ZNF257: variants seen among roughly 807,000 people sequenced by gnomAD.
ZNF257 encodes zinc finger protein 257.
A neutral mutation model predicts 11.9 loss-of-function variants in ZNF257; 12 were observed. The observed-to-expected ratio is 1.01, with a 90% CI of 0.65 to 1.63. ZNF257 has a LOEUF of 1.63. Ranked by LOEUF, ZNF257 falls within the 40% of genes most tolerant of loss-of-function variation. The probability of loss-of-function intolerance (pLI) is 0.00; values close to 1 mark genes in which losing one functional copy is unlikely to be tolerated. For synonymous variants in ZNF257, 183 were observed against 222.7 expected (o/e 0.82, Z 1.59); for missense variants, 580 against 665.5 (o/e 0.87, Z 1.41).
chr19:22,088,678 C>T lies in ZNF257; in HGVS notation c.928C>T (p.His310Tyr), dbSNP rs760273559. The stretch of plus-strand genomic sequence containing the variant: ...TACCCTTACTCAACATAAGAGAATT[C>T]ATACTGGAGAGAAACCCTACAAATG... ...LTTLTQHKRI[H>Y]TGEKPYKCEE... is the part of the protein sequence containing the mutation. Residue 310 changes from histidine to tyrosine, a missense_variant, in exon 4 of 4, where the codon CAT becomes TAT. Transcript: ENST00000594947. 37 of 1,613,332 alleles carry T rather than the reference C, an allele frequency of 2.3e-5. 1 individual carries two copies. In the South Asian group the frequency reaches 3.6e-4, roughly 16 times the overall value.
At chr19:22,061,649 T>C (rs886542923) in intron 1 of ZNF257, among the ~76,000 whole-genome samples, 1 of 151,964 alleles carries the variant, frequency 6.6e-6, no homozygotes, top group East Asian at 1.9e-4. Context: ...CTGATTGCTG[T>C]GGCTAGGACT....
intron 3 of ZNF257, among the ~76,000 whole-genome samples, chr19:22,085,211 C>A (rs1366790088): frequency 1.3e-5 from 2 of 151,614 alleles, no homozygotes; most frequent in Admixed American, 1.3e-4. Context: ...CACCACCACA[C>A]CTGGCTAATT....
chr19:22,064,868 A>C (rs1306551354), intron 1 of ZNF257, among the ~76,000 whole-genome samples: 1 of 152,112 alleles, frequency 6.6e-6, no homozygotes, highest in Non-Finnish European at 1.5e-5. Flanking sequence ...AGCCTGGCCA[A>C]CATGGCGAAA....
At chr19:22,062,517 T>G (rs1287222546) in intron 1 of ZNF257, among the ~76,000 whole-genome samples, 1 of 150,894 alleles carries the variant, frequency 6.6e-6, no homozygotes, top group African/African-American at 2.4e-5. Flanking sequence ...AGTTTCCTCC[T>G]TGTTGCCCAG....
intron 3 of ZNF257, among the ~76,000 whole-genome samples, chr19:22,081,157 A>T (rs942157995): frequency 5.3e-5 from 8 of 151,920 alleles, no homozygotes; most frequent in African/African-American, 1.9e-4. Flanking sequence ...GATTAAAGGC[A>T]TGAGCCACCA....
intron 3 of ZNF257, among the ~76,000 whole-genome samples, chr19:22,086,198 T>A (rs1276656317): frequency 6.6e-6 from 1 of 152,102 alleles, no homozygotes; most frequent in Non-Finnish European, 1.5e-5. Context: ...TCTTATTTTC[T>A]TTTGGGTGTC....
chr19:22,055,212 T>A (rs974915193), intron 1 of ZNF257, among the ~76,000 whole-genome samples: 2 of 152,032 alleles, frequency 1.3e-5, no homozygotes, highest in Admixed American at 6.6e-5. Context: ...AAATAGTATT[T>A]TTTGGTTTCT....
Position 22,090,625 on chromosome 19 carries a change from C to T in ZNF257, c.*1183C>T, listed in dbSNP as rs1568493514. 6.6e-6 allele frequency: 1 copy of T among 151,936 alleles called. No individual in the cohort carries two copies. Among genetic ancestry groups the T allele is most frequent in the African/African-American group, 2.4e-5 (1 of 41,360 alleles). The allele number at this position is 151,936 out of a possible 1,614,324, so 9.4% of individuals were successfully genotyped here. On this transcript the variant is annotated 3_prime_UTR_variant, in exon 4 of 4. Coordinates refer to ENST00000594947, the MANE Select transcript of ZNF257 (RefSeq NM_033468.4). ...ATCAGATTGCTGAGTATAGAAAATC[C>T]AAAACTACAGTTGGTAAGTAAATTA... is the stretch of plus-strand genomic sequence containing the variant.
chr19:22,052,676 G>C (rs3752168), intron 1 of ZNF257, 41 bp downstream of exon 1: 233,344 of 1,601,686 alleles, frequency 0.15, 18,414 homozygotes, highest in Admixed American at 0.26. Context: ...AGGGGAAGGG[G>C]GTGGTTGGAA....
intron 1 of ZNF257, among the ~76,000 whole-genome samples, chr19:22,072,208 T>A (rs2022119858): frequency 1.3e-5 from 2 of 152,170 alleles, no homozygotes; most frequent in Non-Finnish European, 2.9e-5. Flanking sequence ...GGTCTACAAA[T>A]TTTTTTACTA....
At chr19:22,069,613 ACT>A (rs1228837564) in intron 1 of ZNF257, among the ~76,000 whole-genome samples, 1 of 131,464 alleles carries the variant, frequency 7.6e-6, no homozygotes, top group Non-Finnish European at 1.6e-5. Flanking sequence ...TCAGGGCAAG[ACT>A]CTGTCTTAAA....
chr19:22,091,006 C>T lies in ZNF257; in HGVS notation c.*1564C>T, dbSNP rs1433942769. 1 of 152,064 alleles carries T rather than the reference C, an allele frequency of 6.6e-6. No individual in the cohort carries two copies. The highest frequency in any genetic ancestry group is 1.9e-4 in the East Asian group (1 of 5,194). 9.4% of individuals were successfully genotyped at this position (152,064 alleles called of 1,614,324 possible). On this transcript the variant is annotated 3_prime_UTR_variant, in exon 4 of 4. Coordinates refer to ENST00000594947, the MANE Select transcript of ZNF257 (RefSeq NM_033468.4). ...AGTTGCTCATGTTATGAGAGAAAAA[C>T]ATTTTTAATTTTAGTTAAATGTAAG...
At chr19:22,083,770 G>T (rs1275242150) in intron 3 of ZNF257, among the ~76,000 whole-genome samples, 1 of 152,028 alleles carries the variant, frequency 6.6e-6, no homozygotes, top group Non-Finnish European at 1.5e-5. Flanking sequence ...TCTGTTTGTG[G>T]CTGGCTTATG....
At chr19:22,062,544 G>A (rs556312038) in intron 1 of ZNF257, among the ~76,000 whole-genome samples, 237 of 149,890 alleles carry the variant, frequency 1.6e-3, no homozygotes, top group African/African-American at 5.5e-3. Context: ...GTACAATGGT[G>A]CAATCTCGGC....
At chr19:22,073,428 G>C in intron 2 of ZNF257, 41 bp from the exon 3 acceptor site, 1 of 1,573,188 alleles carries the variant, frequency 6.4e-7, no homozygotes, top group Non-Finnish European at 8.6e-7. Context: ...GGTAATTGGA[G>C]AATATGAGCA....
chr19:22,079,046 C>A (rs2022299490), intron 3 of ZNF257, among the ~76,000 whole-genome samples: 1 of 152,156 alleles, frequency 6.6e-6, no homozygotes, highest in Non-Finnish European at 1.5e-5. Context: ...CCTGCCTTGG[C>A]CTCCCAAAAT....
intron 1 of ZNF257, among the ~76,000 whole-genome samples, chr19:22,069,268 T>G (rs896126364): frequency 5.3e-5 from 8 of 152,152 alleles, no homozygotes; most frequent in African/African-American, 1.9e-4. Context: ...ATAAATAGAT[T>G]TGTGCAAAGA....
At position 22,087,498 on chromosome 19, in the gene ZNF257, A is replaced by G; in HGVS notation, c.227-479A>G. 2 of 1,139,302 alleles carry G rather than the reference A, an allele frequency of 1.8e-6. 1 individual carries two copies. Among genetic ancestry groups the G allele is most frequent in the Non-Finnish European group, 2.2e-6 (2 of 904,042 alleles). The allele number at this position is 1,139,302 out of a possible 1,614,324, so 70.6% of individuals were successfully genotyped here. A position where few individuals can be genotyped will look rare whatever the true frequency, so the allele number is the denominator to read the frequency against. ...TTACCTTTGGTCTCAGCAGTCTCAA[A>G]TTGTCATTCTAAAGTATACTATTTT... On this transcript the variant is annotated intron_variant, in intron 3 of 3. Transcript: ENST00000594947.
chr19:22,052,778 T>TC, intron 1 of ZNF257, 143 bp downstream of exon 1: 1 of 941,188 alleles, frequency 1.1e-6, no homozygotes, highest in Non-Finnish European at 1.6e-6. Context: ...TCGGCCTCGG[T>TC]CCCCCTCAGC....
Sources: gnomAD v4.1 joint callset for allele counts (sites outside exome capture counted in the v4.1 genomes callset) on GRCh38, gnomAD v4.1.1 for gene constraint, MANE v1.5 for transcripts, NCBI Gene and HGNC (gene_info 2026-07-23, HGNC 2026-07-21) for gene names.